Variants in PCDHA12 observed in about 807,000 individuals in gnomAD.
PCDHA12 encodes the protein protocadherin alpha 12.
PCDHA12 carries 44 observed loss-of-function variants against 60.0 expected under a neutral mutation model. The observed-to-expected ratio is 0.73, with a 90% CI of 0.58 to 0.94. The LOEUF (loss-of-function observed/expected upper bound fraction) is 0.94, where lower values mean the gene tolerates loss of function less well. PCDHA12 is among the 40% of genes least tolerant of loss of function. The pLI, the probability that PCDHA12 is intolerant of heterozygous loss-of-function variation, is 0.00. For missense variants in PCDHA12, 1,276 were observed against 1,239.7 expected (o/e 1.03, Z -0.44); for synonymous variants, 569 against 553.0 (o/e 1.03, Z -0.40).
At chr5:140,884,254 G>A (rs1554181387) in intron 1 of PCDHA12, 2 of 1,613,406 alleles carry the variant, frequency 1.2e-6, no homozygotes, top group Admixed American at 1.7e-5. Flanking sequence ...TGACGGCCAC[G>A]GCAACGGTGC....
chr5:140,971,203 T>A (rs1586466173), intron 1 of PCDHA12, among the ~76,000 whole-genome samples: 2 of 152,308 alleles, frequency 1.3e-5, no homozygotes, highest in Middle Eastern at 6.8e-3. Context: ...GGAAAGACAC[T>A]GTTACCCTCC....
At chr5:140,912,292 C>A (rs527420621) in intron 1 of PCDHA12, among the ~76,000 whole-genome samples, 13 of 152,184 alleles carry the variant, frequency 8.5e-5, no homozygotes, top group Non-Finnish European at 1.8e-4. Context: ...CAATACTTTG[C>A]CTCCTGTAAT....
chr5:140,897,613 A>C (rs1252972033), intron 1 of PCDHA12, among the ~76,000 whole-genome samples: 2 of 152,052 alleles, frequency 1.3e-5, no homozygotes, highest in Non-Finnish European at 2.9e-5. Flanking sequence ...GTTGGTTCCA[A>C]GTCTTTACTA....
rs144585858 is a variant in PCDHA12 at position 140,984,129 on chromosome 5, G to A, written c.2515+1566G>A. On this transcript the variant is annotated intron_variant, in intron 3 of 3. Transcript: ENST00000398631. The stretch of plus-strand genomic sequence containing the variant: ...GGTTTTAGACTGCCAAGTGTTGCAG[G>A]ATGTGGAGGCATCTGGGAAGGTGAG... 1.3e-3 allele frequency among the ~76,000 whole-genome samples: 205 copies of A among 152,236 alleles called. 1 individual carries two copies. Among genetic ancestry groups the A allele is most frequent in the Non-Finnish European group, 2.6e-3 (175 of 68,046 alleles).
intron 1 of PCDHA12, 59 bp downstream of exon 1, chr5:140,877,898 A>G: frequency 6.9e-7 from 1 of 1,445,150 alleles, no homozygotes. Context: ...CGTTTAGGTT[A>G]TAACTACATT....
intron 1 of PCDHA12, among the ~76,000 whole-genome samples, chr5:140,879,038 AAGAT>A (rs2057824267): frequency 6.6e-6 from 1 of 152,380 alleles, no homozygotes; most frequent in Admixed American, 6.5e-5. Flanking sequence ...AGTGTCTTGA[AAGAT>A]AGACAACATT....
At chr5:140,949,222 G>T (rs1472220330) in intron 1 of PCDHA12, among the ~76,000 whole-genome samples, 1 of 151,662 alleles carries the variant, frequency 6.6e-6, no homozygotes, top group Non-Finnish European at 1.5e-5. Flanking sequence ...GTTTAGACTT[G>T]TTCTGTGGCC....
rs568722959 is a variant in PCDHA12 at position 140,970,085 on chromosome 5, T to C, written c.2368-8864T>C. Among the ~76,000 whole-genome samples the C allele has an allele frequency of 2.6e-5, 4 of 151,946 alleles. No homozygotes were observed. The East Asian group carries it at 7.7e-4, about 29-fold the overall frequency. ...TATTAGAATGAGTGGATTAGGGGTG[T>C]GGGGGGATGGTGAAGACCAAGAGAA... is the stretch of plus-strand genomic sequence containing the variant. On this transcript the variant is annotated intron_variant, in intron 1 of 3. Coordinates refer to ENST00000398631, the MANE Select transcript of PCDHA12 (RefSeq NM_018903.4).
rs1442284424 is a variant in PCDHA12 at position 140,876,481 on chromosome 5, C to T, written c.1009C>T (p.Leu337=). 5.6e-6 allele frequency: 9 copies of T among 1,613,878 alleles called. No individual in the cohort carries two copies. Among genetic ancestry groups the T allele is most frequent in the Admixed American group, 1.7e-5 (1 of 60,008 alleles). Residue 337 remains leucine (L), a synonymous_variant, in exon 1 of 4, where the codon CTG becomes TTG. Transcript: ENST00000398631. ...TTCCATGGCAGGTCACAGCATGGTC[C>T]TGGTGGAAGTTCTGGACGTGAATGA... ...IPSMAGHSMV[L]VEVLDVNDNV...
chr5:140,952,743 C>T lies in PCDHA12; in HGVS notation c.2368-26206C>T, dbSNP rs146786879. Reference sequence around the variant, plus strand: ...TCTGTACTAGTCTTTTCTCACACTGCTATAAAAACACCTGAGACTGGATAA... The same window carrying T: ...TCTGTACTAGTCTTTTCTCACACTGTTATAAAAACACCTGAGACTGGATAA... On this transcript the variant is annotated intron_variant, in intron 1 of 3. Coordinates refer to ENST00000398631, the MANE Select transcript of PCDHA12 (RefSeq NM_018903.4). 8.6e-3 allele frequency among the ~76,000 whole-genome samples: 1,316 copies of T among 152,264 alleles called. 10 individuals are homozygous for T. Among genetic ancestry groups the T allele is most frequent in the Middle Eastern group, 0.014 (4 of 294 alleles).
In PCDHA12 at chr5:141,011,378, C is replaced by T. The variant is rs1419825590; in HGVS notation, c.*1441C>T. 1 of 153,742 alleles carries T rather than the reference C, an allele frequency of 6.5e-6. No individual in the cohort carries two copies. Among genetic ancestry groups the T allele is most frequent in the African/African-American group, 2.4e-5 (1 of 41,460 alleles). The allele number at this position is 153,742 out of a possible 1,614,324, so 9.5% of individuals were successfully genotyped here. Reference sequence around the variant, plus strand: ...ATGTATGCTGTATGCTATGCTAAGACTCCTGAAATATACTTACTCTGTGCT... The same window carrying T: ...ATGTATGCTGTATGCTATGCTAAGATTCCTGAAATATACTTACTCTGTGCT... On this transcript the variant is annotated 3_prime_UTR_variant, in exon 4 of 4. Coordinates refer to ENST00000398631, the MANE Select transcript of PCDHA12 (RefSeq NM_018903.4).
chr5:140,946,631 T>TATATATATATATATATATATACAC lies in PCDHA12; in HGVS notation c.2368-32317_2368-32316insTATATATATATATATATATACACA, dbSNP rs57893927. Among the ~76,000 whole-genome samples, 100 of 131,838 alleles carry TATATATATATATATATATATACAC rather than the reference T, an allele frequency of 7.6e-4. 3 individuals carry two copies. Among genetic ancestry groups the TATATATATATATATATATATACAC allele is most frequent in the African/African-American group, 2.6e-3 (76 of 28,714 alleles). The allele number at this position is 131,838 out of a possible 152,430, so 86.5% of individuals were successfully genotyped here. A position where few individuals can be genotyped will look rare whatever the true frequency, so the allele number is the denominator to read the frequency against. On this transcript the variant is annotated intron_variant, in intron 1 of 3. Transcript: ENST00000398631. ...TGTGAAATATATATATATATATATA[T>TATATATATATATATATATATACAC]ACAATGGAATACTCATCAGCCATTA...
chr5:140,955,698 T>C (rs1295764352), intron 1 of PCDHA12, among the ~76,000 whole-genome samples: 2 of 152,218 alleles, frequency 1.3e-5, no homozygotes, highest in South Asian at 2.1e-4. Context: ...TGAATGTCAA[T>C]GGAAGTTTAA....
chr5:140,981,446 T>C (rs1586884316), intron 2 of PCDHA12, among the ~76,000 whole-genome samples: 4 of 152,058 alleles, frequency 2.6e-5, no homozygotes, highest in Admixed American at 1.3e-4. Context: ...TGGTGGCGGG[T>C]GCCTGTAGTC....
chr5:140,943,359 G>T (rs1374185019), intron 1 of PCDHA12, among the ~76,000 whole-genome samples: 2 of 151,772 alleles, frequency 1.3e-5, no homozygotes, highest in Non-Finnish European at 2.9e-5. Flanking sequence ...TAGAGGAAAG[G>T]AGATCATTAA....
chr5:141,003,796 G>A (rs2098138988), intron 3 of PCDHA12, among the ~76,000 whole-genome samples: 1 of 152,168 alleles, frequency 6.6e-6, no homozygotes, highest in Non-Finnish European at 1.5e-5. Context: ...ATCCTATTGG[G>A]TTGTAATCTG....
At chr5:140,907,381 G>T (rs2073350294) in intron 1 of PCDHA12, among the ~76,000 whole-genome samples, 1 of 152,180 alleles carries the variant, frequency 6.6e-6, no homozygotes, top group African/African-American at 2.4e-5. Context: ...TGAGTGCCTT[G>T]GTCAAAGGCA....
chr5:140,877,240 G>T lies in PCDHA12; in HGVS notation c.1768G>T (p.Val590Leu). The part of the protein sequence containing the change: ...LVPRSVGAGH[V>L]VAKVRAVDAD... Reference sequence around the variant, plus strand: ...ACCGCGGTCGGTGGGTGCGGGCCACGTGGTGGCGAAAGTGCGCGCGGTGGA... The same window carrying T: ...ACCGCGGTCGGTGGGTGCGGGCCACTTGGTGGCGAAAGTGCGCGCGGTGGA... The change falls in exon 1 of 4, where the codon GTG becomes TTG. Residue 590 changes from valine (V) to leucine (L), a missense_variant. Transcript: ENST00000398631. 6.2e-7 allele frequency: 1 copy of T among 1,613,736 alleles called. No individual in the cohort carries two copies. Among genetic ancestry groups the T allele is most frequent in the Non-Finnish European group, 8.5e-7 (1 of 1,179,762 alleles).
At chr5:140,914,596 C>A (rs1454753124) in intron 1 of PCDHA12, among the ~76,000 whole-genome samples, 1 of 152,128 alleles carries the variant, frequency 6.6e-6, no homozygotes, top group Non-Finnish European at 1.5e-5. Flanking sequence ...TAAGTAGGAA[C>A]TTCCTCCTGC....
Sources: gnomAD v4.1 joint callset for allele counts (sites outside exome capture counted in the v4.1 genomes callset) on GRCh38, gnomAD v4.1.1 for gene constraint, MANE v1.5 for transcripts, NCBI Gene and HGNC (gene_info 2026-07-23, HGNC 2026-07-21) for gene names.